LRRIQ4: variants seen among roughly 807,000 people sequenced by gnomAD.
LRRIQ4 encodes leucine-rich repeat and IQ domain-containing protein 4.
LRRIQ4 carries 21 observed loss-of-function variants against 40.1 expected under a neutral mutation model. The observed-to-expected ratio is 0.52, with a 90% CI of 0.37 to 0.75. The LOEUF is 0.75. LRRIQ4 is among the 30% of genes least tolerant of loss of function. The probability of loss-of-function intolerance (pLI) is 0.00; values close to 1 mark genes in which losing one functional copy is unlikely to be tolerated. For synonymous variants in LRRIQ4, 277 were observed against 277.1 expected (o/e 1.00, Z 0.00); for missense variants, 655 against 660.0 (o/e 0.99, Z 0.08).
At position 169,830,613 on chromosome 3, in the gene LRRIQ4, C is replaced by T; in HGVS notation, c.1316C>T (p.Ala439Val). ...RHNLLKQLPD[A>V]ICQAQALKEL... ...AATTTGCTTAAGCAACTTCCAGATG[C>T]CATTTGCCAAGCACAAGGTGAGGAA... is the stretch of plus-strand genomic sequence containing the variant. The change falls in exon 4 of 6, where the codon GCC becomes GTC. Residue 439 changes from alanine (A) to valine (V), a missense_variant. Physicochemically the swap from Ala to Val is moderately conservative, Grantham distance 64. Coordinates refer to ENST00000340806, the MANE Select transcript of LRRIQ4 (RefSeq NM_001080460.3). 1 of 1,613,826 alleles carries T rather than the reference C, an allele frequency of 6.2e-7. No individual in the cohort carries two copies. Among genetic ancestry groups the T allele is most frequent in the East Asian group, 2.2e-5 (1 of 44,872 alleles).
chr3:169,837,520 T>C lies in LRRIQ4; in HGVS notation c.1572T>C (p.Phe524=), dbSNP rs1780335935. Residue 524 remains phenylalanine, a synonymous_variant, in exon 6 of 6, where the codon TTT becomes TTC. Transcript: ENST00000340806. ...WWRGTMVQRG[F]GKFGELLKPQ... is the part of the protein sequence containing the mutation. ...GTGGAACAATGGTACAGAGAGGATT[T>C]GGGAAATTCGGTGAACTACTAAAAC... 6.2e-7 allele frequency: 1 copy of C among 1,609,686 alleles called. No homozygotes were observed.
intron 1 of LRRIQ4, among the ~76,000 whole-genome samples, chr3:169,821,190 T>A (rs1436786834): frequency 5.9e-5 from 9 of 152,352 alleles, no homozygotes; most frequent in Non-Finnish European, 2.9e-5. Flanking sequence ...GCTTTCTTTG[T>A]ATCTTCGACT....
At chr3:169,824,240 G>A (rs1229669656) in intron 2 of LRRIQ4, among the ~76,000 whole-genome samples, 4 of 152,088 alleles carry the variant, frequency 2.6e-5, no homozygotes, top group Non-Finnish European at 5.9e-5. Context: ...GAAGCAGCTG[G>A]ATGCAGTGGC....
At chr3:169,825,019 T>A (rs1224649368) in intron 2 of LRRIQ4, among the ~76,000 whole-genome samples, 1 of 151,192 alleles carries the variant, frequency 6.6e-6, no homozygotes, top group African/African-American at 2.4e-5. Flanking sequence ...TTTTTTTTTT[T>A]TTTTTTGAGA....
chr3:169,818,930 G>T (rs1476798641), intron 1 of LRRIQ4, among the ~76,000 whole-genome samples: 4 of 152,128 alleles, frequency 2.6e-5, no homozygotes, highest in Non-Finnish European at 5.9e-5. Context: ...GACAGACTTG[G>T]AAACAAAAGC....
intron 1 of LRRIQ4, among the ~76,000 whole-genome samples, chr3:169,815,605 C>G (rs1394464416): frequency 6.6e-6 from 1 of 152,124 alleles, no homozygotes; most frequent in African/African-American, 2.4e-5. Context: ...TTGGGTTCTT[C>G]TTTTCCAGTT....
chr3:169,831,493 G>A (rs1197237424), intron 4 of LRRIQ4, among the ~76,000 whole-genome samples: 2 of 104,866 alleles, frequency 1.9e-5, no homozygotes, highest in Non-Finnish European at 3.6e-5. Flanking sequence ...TAGTAGAGAC[G>A]GGGTTTCACT....
rs374102500 is a variant in LRRIQ4 at position 169,822,268 on chromosome 3, T to C, written c.347T>C (p.Phe116Ser). Residue 116 changes from phenylalanine to serine, a missense_variant, in exon 2 of 6, where the codon TTC (phenylalanine) becomes TCC (serine). Transcript: ENST00000340806. ...IFSSSLVVVS[F>S]LHALRELRLY... Reference sequence around the variant, plus strand: ...TCCTCCTCCCTTGTCGTTGTCAGCTTCCTCCACGCCCTGCGCGAGCTCCGG... The same window carrying C: ...TCCTCCTCCCTTGTCGTTGTCAGCTCCCTCCACGCCCTGCGCGAGCTCCGG... The C allele has an allele frequency of 1.3e-5, 21 of 1,610,592 alleles. No homozygotes were observed. The highest frequency in any genetic ancestry group is 1.7e-5 in the Non-Finnish European group (20 of 1,178,748).
Position 169,822,074 on chromosome 3 carries a change from A to G in LRRIQ4, c.153A>G (p.Glu51=), listed in dbSNP as rs763292812. Residue 51 remains glutamate, a synonymous_variant, in exon 2 of 6, where the codon GAA becomes GAG. Transcript: ENST00000340806. The part of the protein sequence containing the change: ...PLEIFTFTEL[E]EVHLENNQIE... Reference sequence around the variant, plus strand: ...AGATCTTCACATTCACAGAATTAGAAGAAGTGCATTTGGAGAATAACCAGA... The same window carrying G: ...AGATCTTCACATTCACAGAATTAGAGGAAGTGCATTTGGAGAATAACCAGA... 6.2e-7 allele frequency: 1 copy of G among 1,606,486 alleles called. No individual in the cohort carries two copies. The highest frequency in any genetic ancestry group is 8.5e-7 in the Non-Finnish European group (1 of 1,178,116).
chr3:169,828,694 C>G lies in LRRIQ4; in HGVS notation c.1021-65C>G, dbSNP rs532015956. On this transcript the variant is annotated intron_variant, in intron 2 of 5. Coordinates refer to ENST00000340806, the MANE Select transcript of LRRIQ4 (RefSeq NM_001080460.3). ...TAGCAGTCTGCCTCAAAACCAGAAG[C>G]CCAATTTATCTCTGCTGTTAAAAAT... The G allele has an allele frequency of 2.8e-5, 42 of 1,490,738 alleles. No homozygotes were observed. In the East Asian group the frequency reaches 9.5e-4, roughly 34 times the overall value. 92.3% of individuals were successfully genotyped at this position (1,490,738 alleles called of 1,614,324 possible). A position where few individuals can be genotyped will look rare whatever the true frequency, so the allele number is the denominator to read the frequency against.
intron 2 of LRRIQ4, among the ~76,000 whole-genome samples, chr3:169,823,562 G>A (rs1289745001): frequency 6.6e-6 from 1 of 152,158 alleles, no homozygotes; most frequent in Non-Finnish European, 1.5e-5. Context: ...TGTCCAGGCT[G>A]GTCTCGAACT....
rs1381888772 is a variant in LRRIQ4, at chr3:169,837,578, A to G, written c.1630A>G (p.Lys544Glu). ...QKKGKTSPKD[K>E]KGKKDVKGKP... Reference sequence around the variant, plus strand: ...GAAAGGAAAGACCTCTCCAAAAGATAAGAAAGGAAAGAAGGATGTAAAAGG... The same window carrying G: ...GAAAGGAAAGACCTCTCCAAAAGATGAGAAAGGAAAGAAGGATGTAAAAGG... The change falls in exon 6 of 6, where the codon AAG becomes GAG. Residue 544 changes from lysine to glutamate, a missense_variant. Transcript: ENST00000340806. The G allele has an allele frequency of 1.3e-6, 2 of 1,596,748 alleles. No individual in the cohort carries two copies. Among genetic ancestry groups the G allele is most frequent in the South Asian group, 2.3e-5 (2 of 87,176 alleles).
chr3:169,814,037 G>A (rs185331692), intron 1 of LRRIQ4, among the ~76,000 whole-genome samples: 1 of 152,256 alleles, frequency 6.6e-6, no homozygotes, highest in Admixed American at 6.5e-5. Context: ...GTGTATAGGC[G>A]GCTTGCGTCA....
intron 1 of LRRIQ4, among the ~76,000 whole-genome samples, chr3:169,821,071 A>C (rs1779875442): frequency 6.6e-6 from 1 of 152,230 alleles, no homozygotes; most frequent in African/African-American, 2.4e-5. Context: ...TCAAACTTGC[A>C]AATGCCATCA....
In LRRIQ4 at chr3:169,837,668, T is replaced by C; in HGVS notation, c.*37T>C. ...GATAAATTGGGGTAATGGACCTTGA[T>C]AGATTAAGAAGACAAAATATCTAGG... On this transcript the variant is annotated 3_prime_UTR_variant, in exon 6 of 6. Transcript: ENST00000340806. 6.7e-7 allele frequency: 1 copy of C among 1,490,668 alleles called. No homozygotes were observed. The highest frequency in any genetic ancestry group is 9.0e-7 in the Non-Finnish European group (1 of 1,115,670). The allele number at this position is 1,490,668 out of a possible 1,614,324, so 92.3% of individuals were successfully genotyped here. A position where few individuals can be genotyped will look rare whatever the true frequency, so the allele number is the denominator to read the frequency against.
At chr3:169,818,483 A>G (rs1779809805) in intron 1 of LRRIQ4, among the ~76,000 whole-genome samples, 1 of 151,992 alleles carries the variant, frequency 6.6e-6, no homozygotes, top group African/African-American at 2.4e-5. Context: ...AACAAGATGT[A>G]TTTGTACAGA....
chr3:169,831,258 A>ATTTTTTTT (rs1435211345), intron 4 of LRRIQ4, among the ~76,000 whole-genome samples: 1 of 52,202 alleles, frequency 1.9e-5, no homozygotes, highest in South Asian at 6.0e-4. Flanking sequence ...AACTATGGCT[A>ATTTTTTTT]TTCTTTTTTT....
chr3:169,822,227 C>A lies in LRRIQ4; in HGVS notation c.306C>A (p.Ser102Arg). 6.2e-7 allele frequency: 1 copy of A among 1,604,274 alleles called. No homozygotes were observed. The highest frequency in any genetic ancestry group is 1.1e-5 in the South Asian group (1 of 89,480). Reference sequence around the variant, plus strand: ...GCAGCCTGGAGAGCCTGGACCTGAGCTACAACCCCATCTTCTCCTCCTCCC... The same window carrying A: ...GCAGCCTGGAGAGCCTGGACCTGAGATACAACCCCATCTTCTCCTCCTCCC... ...LLSSLESLDL[S>R]YNPIFSSSLV... Residue 102 changes from serine to arginine, a missense_variant, in exon 2 of 6, where the codon AGC becomes AGA. Transcript: ENST00000340806.
intron 1 of LRRIQ4, among the ~76,000 whole-genome samples, chr3:169,821,406 G>A (rs756619418): frequency 6.6e-6 from 1 of 152,078 alleles, no homozygotes; most frequent in African/African-American, 2.4e-5. Context: ...AGGCCAAGGC[G>A]GGTGGACCTG....
Sources: gnomAD v4.1 joint callset for allele counts (sites outside exome capture counted in the v4.1 genomes callset) on GRCh38, gnomAD v4.1.1 for gene constraint, MANE v1.5 for transcripts, NCBI Gene and HGNC (gene_info 2026-07-23, HGNC 2026-07-21) for gene names.